Variants in TAFA1 observed in about 807,000 individuals in gnomAD.
TAFA1 encodes the protein TAFA chemokine like family member 1, also known as chemokine-like protein TAFA-1.
Under a neutral mutation model 18.5 loss-of-function variants are expected in TAFA1, and 4 were observed. That is an observed-to-expected ratio of 0.22 (90% CI 0.11 to 0.49). The LOEUF (loss-of-function observed/expected upper bound fraction) is 0.49, where lower values mean the gene tolerates loss of function less well. Ranked by LOEUF, TAFA1 falls within the 20% of genes least tolerant of loss-of-function variation. TAFA1 has a pLI of 0.98. For synonymous variants in TAFA1, 56 were observed against 55.2 expected (o/e 1.01, Z -0.06); for missense variants, 147 against 169.0 (o/e 0.87, Z 0.72).
At chr3:68,084,584 G>A (rs565393175) in intron 2 of TAFA1, among the ~76,000 whole-genome samples, 18 of 152,220 alleles carry the variant, frequency 1.2e-4, no homozygotes, top group South Asian at 1.0e-3. Context: ...GATCACCTGA[G>A]GTCAGGAGTT....
intron 3 of TAFA1, among the ~76,000 whole-genome samples, chr3:68,516,261 C>G (rs1044851164): frequency 6.6e-6 from 1 of 152,046 alleles, no homozygotes; most frequent in Non-Finnish European, 1.5e-5. Context: ...AACTTGATTG[C>G]TTAATATTTT....
intron 2 of TAFA1, among the ~76,000 whole-genome samples, chr3:68,177,192 G>A (rs1041967543): frequency 3.9e-5 from 6 of 152,262 alleles, no homozygotes; most frequent in South Asian, 4.1e-4. Flanking sequence ...AAAGTAGGAC[G>A]CAGAGAATTC....
At chr3:68,255,583 C>T (rs2067281787) in intron 2 of TAFA1, among the ~76,000 whole-genome samples, 2 of 152,050 alleles carry the variant, frequency 1.3e-5, no homozygotes, top group South Asian at 4.1e-4. Context: ...TATGTCCGTT[C>T]AGGTGATGCC....
chr3:68,359,164 A>G (rs2069422825), intron 2 of TAFA1, among the ~76,000 whole-genome samples: 3 of 152,022 alleles, frequency 2.0e-5, no homozygotes, highest in African/African-American at 7.2e-5. Flanking sequence ...CACATATCAT[A>G]CTGCAAATAC....
rs138138189 is a variant in TAFA1, at chr3:68,085,053, A to T, written c.118+78309A>T. Among the ~76,000 whole-genome samples, 16 of 152,288 alleles carry T rather than the reference A, an allele frequency of 1.1e-4. No homozygotes were observed. In the East Asian group the frequency reaches 3.1e-3, roughly 29 times the overall value. On this transcript the variant is annotated intron_variant, in intron 2 of 4. Transcript: ENST00000478136. The stretch of plus-strand genomic sequence containing the variant: ...AGCACACTATAAACATGTGTGTTCA[A>T]ATGAAACACTTTGGGGTTACAATAT...
chr3:68,115,965 T>C (rs1055914675), intron 2 of TAFA1, among the ~76,000 whole-genome samples: 65 of 152,114 alleles, frequency 4.3e-4, no homozygotes, highest in African/African-American at 1.5e-3. Context: ...AATAAAAATA[T>C]GTTAATCTGG....
intron 2 of TAFA1, among the ~76,000 whole-genome samples, chr3:68,161,517 A>G (rs918557211): frequency 1.3e-5 from 2 of 152,228 alleles, no homozygotes; most frequent in Non-Finnish European, 2.9e-5. Flanking sequence ...TGTGTAAATC[A>G]TTTTATAATA....
chr3:68,412,752 A>T (rs2070740581), intron 2 of TAFA1, among the ~76,000 whole-genome samples: 1 of 152,124 alleles, frequency 6.6e-6, no homozygotes, highest in Non-Finnish European at 1.5e-5. Context: ...TATATGTGCC[A>T]CATTTTCTTA....
intron 2 of TAFA1, among the ~76,000 whole-genome samples, chr3:68,057,914 A>C (rs535117734): frequency 6.6e-6 from 1 of 152,214 alleles, no homozygotes; most frequent in Non-Finnish European, 1.5e-5. Flanking sequence ...TAGAACCTTC[A>C]GAAGGAGTGC....
chr3:68,414,713 C>T (rs1292050946), intron 2 of TAFA1, among the ~76,000 whole-genome samples: 7 of 152,188 alleles, frequency 4.6e-5, no homozygotes, highest in African/African-American at 1.7e-4. Flanking sequence ...GAGGGACAGG[C>T]TTTGGACCTT....
intron 2 of TAFA1, among the ~76,000 whole-genome samples, chr3:68,384,306 T>G (rs1479990254): frequency 6.6e-6 from 1 of 151,954 alleles, no homozygotes; most frequent in Non-Finnish European, 1.5e-5. Flanking sequence ...GATATGGACT[T>G]TAAGAGCTCT....
chr3:68,127,989 A>G (rs1388919285), intron 2 of TAFA1, among the ~76,000 whole-genome samples: 4 of 148,934 alleles, frequency 2.7e-5, no homozygotes, highest in East Asian at 1.9e-4. Context: ...TGATGATGGT[A>G]TTGGTAATAA....
chr3:68,357,852 G>A lies in TAFA1; in HGVS notation c.119-59428G>A, dbSNP rs557587802. On this transcript the variant is annotated intron_variant, in intron 2 of 4. Transcript: ENST00000478136. ...CAAGGAATTATGAGGAAGATGATCT[G>A]TTTTAGTTTAGATTTGGGATCTTGG... 3.9e-5 allele frequency among the ~76,000 whole-genome samples: 6 copies of A among 151,984 alleles called. No homozygotes were observed. In the South Asian group the frequency reaches 1.2e-3, roughly 32 times the overall value.
At chr3:68,249,940 C>T (rs2067160710) in intron 2 of TAFA1, among the ~76,000 whole-genome samples, 1 of 152,082 alleles carries the variant, frequency 6.6e-6, no homozygotes, top group Non-Finnish European at 1.5e-5. Flanking sequence ...CCTCCGAAGG[C>T]CACGTGTCTA....
chr3:68,352,201 C>T (rs998096560), intron 2 of TAFA1, among the ~76,000 whole-genome samples: 2 of 151,942 alleles, frequency 1.3e-5, no homozygotes, highest in African/African-American at 2.4e-5. Context: ...GGAGGAAATA[C>T]AGTTTCTCCT....
chr3:68,272,678 A>C (rs2067698528), intron 2 of TAFA1, among the ~76,000 whole-genome samples: 1 of 152,186 alleles, frequency 6.6e-6, no homozygotes, highest in Non-Finnish European at 1.5e-5. Flanking sequence ...CTATGAAAGA[A>C]AATATTCAAA....
At position 68,545,169 on chromosome 3, in the gene TAFA1, T is replaced by A. The variant is rs1336234842; in HGVS notation, c.*666T>A. On this transcript the variant is annotated 3_prime_UTR_variant, in exon 5 of 5. Transcript: ENST00000478136. ...TAGCATGCAAGCTTGGCTTACATAGTCATACTTTATATTCAATTGATATAT... is the reference window on the plus strand; with the variant it reads ...TAGCATGCAAGCTTGGCTTACATAGACATACTTTATATTCAATTGATATAT... 1 of 152,588 alleles carries A rather than the reference T, an allele frequency of 6.6e-6. No individual in the cohort carries two copies. Among genetic ancestry groups the A allele is most frequent in the Non-Finnish European group, 1.5e-5 (1 of 68,014 alleles). The allele number at this position is 152,588 out of a possible 1,614,324, so 9.5% of individuals were successfully genotyped here. A position where few individuals can be genotyped will look rare whatever the true frequency, so the allele number is the denominator to read the frequency against.
chr3:68,516,898 C>T (rs1326056101), intron 3 of TAFA1, among the ~76,000 whole-genome samples: 10 of 152,070 alleles, frequency 6.6e-5, no homozygotes, highest in African/African-American at 1.9e-4. Flanking sequence ...CTCAGTCTCC[C>T]GAGTAGCTGG....
At chr3:68,055,644 C>T (rs918430061) in intron 2 of TAFA1, among the ~76,000 whole-genome samples, 2 of 151,920 alleles carry the variant, frequency 1.3e-5, no homozygotes, top group Non-Finnish European at 2.9e-5. Flanking sequence ...GGTCTCCCAG[C>T]AAGGAAAGGA....
Sources: allele counts gnomAD v4.1 joint callset (sites outside exome capture counted in the v4.1 genomes callset), GRCh38; gene constraint gnomAD v4.1.1; transcripts MANE v1.5; gene names NCBI Gene and HGNC (gene_info 2026-07-23, HGNC 2026-07-21).